The following RHOBTB2 variants were observed in gnomAD, a reference collection of about 807,000 sequenced individuals.
RHOBTB2 encodes Rho related BTB domain containing 2.
In RHOBTB2, 39 loss-of-function variants were observed where a neutral mutation model predicts 66.5. The ratio of observed to expected loss-of-function variants is 0.59; its 90% CI spans 0.45 to 0.77. The LOEUF is 0.77. Among genes scored for constraint, RHOBTB2 ranks in the 30% least tolerant of loss-of-function variants. RHOBTB2 has a pLI of 0.00. For missense variants in RHOBTB2, 755 were observed against 999.1 expected, an observed-to-expected ratio of 0.76 and a Z score of 3.29; for synonymous variants, 390 against 395.0, an observed-to-expected ratio of 0.99 and a Z score of 0.15.
intron 1 of RHOBTB2, among the ~76,000 whole-genome samples, chr8:23,003,883 C>T (rs1052799083): frequency 6.6e-6 from 1 of 152,206 alleles, no homozygotes; most frequent in African/African-American, 2.4e-5. Flanking sequence ...TGGAAATCCA[C>T]CACCACCAGA....
intron 6 of RHOBTB2, 99 bp from the exon 7 acceptor site, chr8:23,010,439 C>G (rs767317414): frequency 5.8e-6 from 8 of 1,389,296 alleles, no homozygotes; most frequent in Non-Finnish European, 7.8e-6. Flanking sequence ...TCTGGGGGAG[C>G]CTGGGTGTGA....
rs1811350736 is a variant in RHOBTB2 at position 23,018,176 on chromosome 8, T to C, written c.*707T>C. Reference sequence around the variant, plus strand: ...AGTGCCTCTTGGTGCAACAAGAAACTTCTCCCTCACCCCCTCCTTTACCCT... The same window carrying C: ...AGTGCCTCTTGGTGCAACAAGAAACCTCTCCCTCACCCCCTCCTTTACCCT... On this transcript the variant is annotated 3_prime_UTR_variant, in exon 10 of 10. Transcript: ENST00000251822. 6.6e-6 allele frequency: 1 copy of C among 152,408 alleles called. No homozygotes were observed. Among genetic ancestry groups the C allele is most frequent in the South Asian group, 2.1e-4 (1 of 4,828 alleles). 9.4% of individuals were successfully genotyped at this position (152,408 alleles called of 1,614,324 possible).
chr8:22,992,207 G>C (rs1005394496), intron 2 of RHOBTB2: 1 of 152,076 alleles, frequency 6.6e-6, no homozygotes, highest in South Asian at 2.1e-4. Context: ...GAGATGGGGG[G>C]GCTCCTGGAC....
intron 1 of RHOBTB2, among the ~76,000 whole-genome samples, 151 bp downstream of exon 1, chr8:23,000,256 G>A (rs1810732510): frequency 6.6e-6 from 1 of 152,246 alleles, no homozygotes; most frequent in South Asian, 2.1e-4. Context: ...GGTACAGCGG[G>A]GCTGGAGCCT....
upstream of RHOBTB2, among the ~76,000 whole-genome samples, chr8:22,986,155 TCTC>T (rs1810284718): frequency 6.6e-6 from 1 of 151,584 alleles, no homozygotes; most frequent in African/African-American, 2.4e-5. Flanking sequence ...TCTCTCTCTC[TCTC>T]TCTCTCTCTC....
chr8:23,006,190 C>T lies in RHOBTB2; in HGVS notation c.482+45C>T, dbSNP rs2128804155. 6.6e-7 allele frequency: 1 copy of T among 1,514,006 alleles called. No homozygotes were observed. Among genetic ancestry groups the T allele is most frequent in the East Asian group, 2.3e-5 (1 of 44,010 alleles). The allele number at this position is 1,514,006 out of a possible 1,614,324, so 93.8% of individuals were successfully genotyped here. On this transcript the variant is annotated intron_variant, in intron 4 of 9. Transcript: ENST00000251822. This position sits in a 1 kb window ranked among gnomAD's most constrained non-coding sequence, Gnocchi z 6.1. ...AGGAGACAGACATGGATGGGTGCCT[C>T]ACCATGGCTCCCTGCTCAGCCCTGG...
chr8:22,951,987 C>G, the RHOBTB2 span, among the ~76,000 whole-genome samples: 3 of 152,192 alleles, frequency 2.0e-5, no homozygotes, highest in African/African-American at 7.2e-5. Context: ...TCCCAAAGTG[C>G]TGGGATTACA....
the RHOBTB2 span, among the ~76,000 whole-genome samples, chr8:22,970,875 G>A: frequency 4.8e-4 from 73 of 152,170 alleles, no homozygotes; most frequent in East Asian, 0.012. Context: ...CTTTACCTCC[G>A]TTTGTCCCCT....
At chr8:22,974,021 C>G in the RHOBTB2 span, among the ~76,000 whole-genome samples, 2 of 151,578 alleles carry the variant, frequency 1.3e-5, no homozygotes, top group South Asian at 4.1e-4. Flanking sequence ...CCGCTGGGAG[C>G]CATGTGATCA....
At chr8:22,962,256 G>T in the RHOBTB2 span, among the ~76,000 whole-genome samples, 1 of 114,632 alleles carries the variant, frequency 8.7e-6, no homozygotes, top group Non-Finnish European at 1.8e-5. Flanking sequence ...AAATTAAAAT[G>T]AAAAAAAAAA....
upstream of RHOBTB2, chr8:22,995,993 G>C: frequency 1.9e-6 from 2 of 1,028,704 alleles, no homozygotes; most frequent in Non-Finnish European, 3.0e-6. Flanking sequence ...GCACTGGGAA[G>C]GGGCCTTCAC....
chr8:22,969,539 C>G, the RHOBTB2 span, among the ~76,000 whole-genome samples: 9 of 152,082 alleles, frequency 5.9e-5, no homozygotes, highest in Non-Finnish European at 1.0e-4. Context: ...CAAAATGAAG[C>G]ACTAGCACTC....
upstream of RHOBTB2, among the ~76,000 whole-genome samples, chr8:22,998,602 C>T (rs1254079708): frequency 1.3e-5 from 2 of 151,646 alleles, no homozygotes; most frequent in African/African-American, 2.4e-5. Flanking sequence ...GGAATAGTGG[C>T]GTGCACTTGT....
rs1810696478 is a variant in RHOBTB2 at position 22,999,593 on chromosome 8, C to G, written c.-523C>G. 3 of 1,227,508 alleles carry G rather than the reference C, an allele frequency of 2.4e-6. No individual in the cohort carries two copies. Among genetic ancestry groups the G allele is most frequent in the Admixed American group, 3.1e-5 (1 of 32,552 alleles). The allele number at this position is 1,227,508 out of a possible 1,614,324, so 76.0% of individuals were successfully genotyped here. On this transcript the variant is annotated 5_prime_UTR_variant, in exon 1 of 10. Transcript: ENST00000251822. ...TCTTGGGTGCGATTTTTTTCTCCTCCTTTTTTTACCCTCCCGTTTTTTTCT... is the reference window on the plus strand; with the variant it reads ...TCTTGGGTGCGATTTTTTTCTCCTCGTTTTTTTACCCTCCCGTTTTTTTCT...
chr8:22,973,882 T>C, the RHOBTB2 span, among the ~76,000 whole-genome samples: 1 of 152,012 alleles, frequency 6.6e-6, no homozygotes, highest in East Asian at 1.9e-4. Context: ...ACCGGCATCT[T>C]CTCAGCCATC....
intron 2 of RHOBTB2, among the ~76,000 whole-genome samples, chr8:22,993,725 C>T (rs1191415136): frequency 6.6e-6 from 1 of 152,194 alleles, no homozygotes; most frequent in Non-Finnish European, 1.5e-5. Flanking sequence ...TTCCCTGCCC[C>T]TGAAGGGTTG....
At chr8:23,008,147 T>G (rs1483285308) in intron 6 of RHOBTB2, 36 bp downstream of exon 6, 2 of 1,415,418 alleles carry the variant, frequency 1.4e-6, no homozygotes, top group African/African-American at 2.9e-5. Context: ...AAGGAGGGAG[T>G]GAGACATTTG....
chr8:23,016,638 C>G (rs568638467), intron 9 of RHOBTB2, among the ~76,000 whole-genome samples: 4 of 152,130 alleles, frequency 2.6e-5, no homozygotes, highest in Non-Finnish European at 5.9e-5. Context: ...TCTCAAACTC[C>G]TGACCTCAGG....
chr8:23,017,816 C>T lies in RHOBTB2; in HGVS notation c.*347C>T. ...GCTTCTCTGTGTGTCTTGGTTGCTG[C>T]TCTGGCCAGGGAGGCAGCCCCACTC... On this transcript the variant is annotated 3_prime_UTR_variant, in exon 10 of 10. Transcript: ENST00000251822. The surrounding 1 kb of genome is among the most constrained non-coding windows in gnomAD (Gnocchi z 5.3). 1 of 277,460 alleles carries T rather than the reference C, an allele frequency of 3.6e-6. No individual in the cohort carries two copies. The highest frequency in any genetic ancestry group is 7.0e-6 in the Non-Finnish European group (1 of 142,398). 17.2% of individuals were successfully genotyped at this position (277,460 alleles called of 1,614,324 possible).
Sources: gnomAD v4.1 joint callset for allele counts (sites outside exome capture counted in the v4.1 genomes callset) on GRCh38, gnomAD v4.1.1 for gene constraint, Gnocchi (gnomAD v3.1) non-coding constraint, MANE v1.5 for transcripts, NCBI Gene and HGNC (gene_info 2026-07-23, HGNC 2026-07-21) for gene names.